Variants in IPCEF1 observed in about 807,000 individuals in gnomAD.
IPCEF1 encodes interactor protein for cytohesin exchange factors 1.
A neutral mutation model predicts 50.9 loss-of-function variants in IPCEF1; 31 were observed. The observed-to-expected ratio is 0.61, with a 90% CI of 0.46 to 0.82. The LOEUF is 0.82. Among genes scored for constraint, IPCEF1 ranks in the 40% least tolerant of loss-of-function variants. IPCEF1 has a pLI of 0.00. For synonymous variants in IPCEF1, 181 were observed against 192.0 expected (o/e 0.94, Z 0.47); for missense variants, 458 against 514.0 (o/e 0.89, Z 1.05).
intron 2 of IPCEF1, among the ~76,000 whole-genome samples, chr6:154,280,298 T>C (rs1317051653): frequency 6.6e-6 from 1 of 152,184 alleles, no homozygotes; most frequent in East Asian, 1.9e-4. Flanking sequence ...GGGCATGGTA[T>C]CTCATGCCTA....
rs895889972 is a variant in IPCEF1, at chr6:154,157,126, T to G, written c.*2702A>C. 2 of 152,228 alleles carry G rather than the reference T, an allele frequency of 1.3e-5. No homozygotes were observed. The highest frequency in any genetic ancestry group is 3.8e-4 in the East Asian group (2 of 5,196). The allele number at this position is 152,228 out of a possible 1,614,324, so 9.4% of individuals were successfully genotyped here. On this transcript the variant is annotated 3_prime_UTR_variant, in exon 12 of 12. Transcript: ENST00000367220. The stretch of plus-strand genomic sequence containing the variant: ...TGAAAGTAATCCAGTTTTCCCAATA[T>G]TCTTTGGACCAGAAAAGTGGCTTGA...
intron 10 of IPCEF1, among the ~76,000 whole-genome samples, chr6:154,183,727 C>T (rs1363570752): frequency 6.6e-6 from 1 of 151,948 alleles, no homozygotes; most frequent in African/African-American, 2.4e-5. Flanking sequence ...GGTGAAACCC[C>T]ATCTGTACCA....
chr6:154,345,410 G>A (rs2128699743), intron 1 of IPCEF1, among the ~76,000 whole-genome samples: 1 of 152,280 alleles, frequency 6.6e-6, no homozygotes, highest in Non-Finnish European at 1.5e-5. Flanking sequence ...TGTGTGTGAT[G>A]ATATTGACAA....
At chr6:154,283,286 C>A (rs1398109562) in intron 2 of IPCEF1, among the ~76,000 whole-genome samples, 2 of 95,706 alleles carry the variant, frequency 2.1e-5, no homozygotes, top group Admixed American at 1.5e-4. Flanking sequence ...AGTGAAACTC[C>A]ATCTCAAAAA....
chr6:154,284,647 T>G (rs972258956), intron 2 of IPCEF1, among the ~76,000 whole-genome samples: 2 of 152,156 alleles, frequency 1.3e-5, no homozygotes, highest in Non-Finnish European at 2.9e-5. Flanking sequence ...TGAGTGACTT[T>G]GTGGAGTAGA....
At chr6:154,213,907 A>G (rs1034478243) in intron 8 of IPCEF1, among the ~76,000 whole-genome samples, 19 of 152,228 alleles carry the variant, frequency 1.2e-4, no homozygotes, top group African/African-American at 4.3e-4. Flanking sequence ...GATCATGTCT[A>G]TCAGTAAGAA....
At chr6:154,191,631 G>A (rs1028969856) in intron 10 of IPCEF1, among the ~76,000 whole-genome samples, 3 of 151,884 alleles carry the variant, frequency 2.0e-5, no homozygotes, top group Non-Finnish European at 2.9e-5. Flanking sequence ...CCGAGATCAC[G>A]CCACTGCACT....
intron 1 of IPCEF1, among the ~76,000 whole-genome samples, chr6:154,333,977 T>G (rs1456372564): frequency 6.6e-6 from 1 of 152,098 alleles, no homozygotes; most frequent in Non-Finnish European, 1.5e-5. Flanking sequence ...GTACAACGGA[T>G]AGCACTTCAT....
intron 5 of IPCEF1, among the ~76,000 whole-genome samples, chr6:154,226,928 G>A (rs1218886769): frequency 6.6e-6 from 1 of 152,216 alleles, no homozygotes; most frequent in Non-Finnish European, 1.5e-5. Flanking sequence ...CAGGCGCAGT[G>A]GCTCACGCCT....
intron 3 of IPCEF1, among the ~76,000 whole-genome samples, chr6:154,254,719 A>C (rs780741567): frequency 6.6e-6 from 1 of 152,008 alleles, no homozygotes; most frequent in African/African-American, 2.4e-5. Flanking sequence ...TTTATTTTCA[A>C]ACTTTCTGTG....
At chr6:154,188,811 A>T (rs1801608340) in intron 10 of IPCEF1, among the ~76,000 whole-genome samples, 1 of 152,206 alleles carries the variant, frequency 6.6e-6, no homozygotes, top group African/African-American at 2.4e-5. Context: ...ATATTTGCAT[A>T]TGGAGTAAGA....
rs139229904 is a variant in IPCEF1 at position 154,274,217 on chromosome 6, T to G, written c.-17-8253A>C. Reference sequence around the variant, plus strand: ...TTTCTTTCCTGCCTTCTCTCCACTTTGATGATGAATTGACAGATGGTTTTA... The same window carrying G: ...TTTCTTTCCTGCCTTCTCTCCACTTGGATGATGAATTGACAGATGGTTTTA... On this transcript the variant is annotated intron_variant, in intron 2 of 11. Transcript: ENST00000367220. Among the ~76,000 whole-genome samples the G allele has an allele frequency of 1.4e-4, 21 of 152,314 alleles. No homozygotes were observed. In the East Asian group the frequency reaches 4.0e-3, roughly 29 times the overall value.
At position 154,199,855 on chromosome 6, in the gene IPCEF1, A is replaced by C. The variant is rs1776924167; in HGVS notation, c.723T>G (p.Phe241Leu). The C allele has an allele frequency of 6.2e-7, 1 of 1,614,098 alleles. No individual in the cohort carries two copies. The highest frequency in any genetic ancestry group is 1.7e-5 in the Admixed American group (1 of 60,008). The change falls in exon 10 of 12, where the codon TTT (phenylalanine) becomes TTG (leucine). Residue 241 changes from phenylalanine to leucine, a missense_variant. Coordinates refer to ENST00000367220, the MANE Select transcript of IPCEF1 (RefSeq NM_001130700.2). Reference protein sequence around the residue: ...AAEDEGQPITFAVQVHSPVPS... With the variant: ...AAEDEGQPITLAVQVHSPVPS... Reference sequence around the variant, plus strand: ...GTACAGGTGAATGAACTTGCACAGCAAACGTTATTGGTTGTCCCTCATCTT... The same window carrying C: ...GTACAGGTGAATGAACTTGCACAGCCAACGTTATTGGTTGTCCCTCATCTT...
intron 6 of IPCEF1, among the ~76,000 whole-genome samples, chr6:154,222,387 C>G (rs1778936237): frequency 6.6e-6 from 1 of 152,226 alleles, no homozygotes; most frequent in Non-Finnish European, 1.5e-5. Flanking sequence ...AAGAAAACTA[C>G]TCAATTGCTG....
At chr6:154,174,933 C>T (rs1041303232) in intron 10 of IPCEF1, among the ~76,000 whole-genome samples, 4 of 152,158 alleles carry the variant, frequency 2.6e-5, no homozygotes, top group Admixed American at 2.6e-4. Flanking sequence ...TAAAACACTC[C>T]TCAGCAAATG....
At chr6:154,250,158 A>G (rs913491476) in intron 3 of IPCEF1, among the ~76,000 whole-genome samples, 2 of 152,096 alleles carry the variant, frequency 1.3e-5, no homozygotes, top group South Asian at 2.1e-4. Flanking sequence ...ACTTTATTGC[A>G]TCTAAGATAG....
At chr6:154,259,522 T>G (rs6911989) in intron 3 of IPCEF1, among the ~76,000 whole-genome samples, 1 of 152,006 alleles carries the variant, frequency 6.6e-6, no homozygotes, top group East Asian at 1.9e-4. Flanking sequence ...CGTGGTGGCA[T>G]GTGCCTGTAA....
intron 1 of IPCEF1, among the ~76,000 whole-genome samples, chr6:154,337,719 A>G (rs1179508324): frequency 6.6e-6 from 1 of 152,224 alleles, no homozygotes; most frequent in Non-Finnish European, 1.5e-5. Context: ...TTAAGAAACA[A>G]AGCTATTTTC....
chr6:154,243,547 AGGCAAT>A (rs1362220937), intron 5 of IPCEF1, among the ~76,000 whole-genome samples: 1 of 152,228 alleles, frequency 6.6e-6, no homozygotes, highest in Admixed American at 6.5e-5. Context: ...AGGCAGTGTC[AGGCAAT>A]GACGGAGAGA....
Sources: gnomAD v4.1 joint callset for allele counts (sites outside exome capture counted in the v4.1 genomes callset) on GRCh38, gnomAD v4.1.1 for gene constraint, MANE v1.5 for transcripts, NCBI Gene and HGNC (gene_info 2026-07-23, HGNC 2026-07-21) for gene names.